PTK2: variants seen among roughly 807,000 people sequenced by gnomAD.
PTK2 encodes protein tyrosine kinase 2, also known as focal adhesion kinase 1.
A neutral mutation model predicts 150.1 loss-of-function variants in PTK2; 45 were observed. The observed-to-expected ratio is 0.30, with a 90% CI of 0.24 to 0.38. The LOEUF (loss-of-function observed/expected upper bound fraction) is 0.38, where lower values mean the gene tolerates loss of function less well. Among genes scored for constraint, PTK2 ranks in the 10% least tolerant of loss-of-function variants. The pLI is 1.00. For missense variants in PTK2, 919 were observed against 1,307.3 expected (o/e 0.70, Z 4.58); for synonymous variants, 432 against 449.2 (o/e 0.96, Z 0.48).
intron 14 of PTK2, 59 bp from the exon 17 acceptor site, chr8:140,764,349 C>A (rs761267822): frequency 7.7e-7 from 1 of 1,294,094 alleles, no homozygotes; most frequent in Non-Finnish European, 1.1e-6. Context: ...CCTGGTATTT[C>A]ATATAATTAA....
intron 17 of PTK2, chr8:140,747,420 A>ATTTTTCTTAG (rs2100059642): frequency 1.2e-5 from 1 of 85,250 alleles, no homozygotes; most frequent in Admixed American, 1.4e-4. Context: ...AGAAAGAAGG[A>ATTTTTCTTAG]AGGGGAGGAG....
intron 2 of PTK2, chr8:140,920,899 C>A (rs1185352645): frequency 8.5e-6 from 13 of 1,524,182 alleles, no homozygotes; most frequent in East Asian, 7.6e-5. Context: ...CTTGGCCTGC[C>A]AGTTCCAACA....
intron 24 of PTK2, among the ~76,000 whole-genome samples, chr8:140,703,827 TA>T (rs1253227344): frequency 6.6e-6 from 1 of 152,186 alleles, no homozygotes; most frequent in African/African-American, 2.4e-5. Flanking sequence ...ACAGAATCAG[TA>T]TTGGTTTCCA....
At chr8:140,703,204 A>C (rs1054819555) in intron 24 of PTK2, among the ~76,000 whole-genome samples, 4 of 151,868 alleles carry the variant, frequency 2.6e-5, no homozygotes, top group African/African-American at 9.7e-5. Context: ...CGGAGCTTGC[A>C]GTGAGCCGAG....
intron 1 of PTK2, among the ~76,000 whole-genome samples, chr8:140,940,342 G>A (rs1425510546): frequency 7.2e-5 from 11 of 152,142 alleles, no homozygotes; most frequent in African/African-American, 2.4e-5. Flanking sequence ...TGTGGATGGC[G>A]CCACTTGAGA....
chr8:140,934,835 A>C (rs1228441725), intron 1 of PTK2, among the ~76,000 whole-genome samples: 4 of 152,152 alleles, frequency 2.6e-5, no homozygotes, highest in Non-Finnish European at 5.9e-5. Context: ...TCACTTCTGA[A>C]AACAACTCTC....
At chr8:140,943,277 C>T (rs1440292732) in intron 1 of PTK2, among the ~76,000 whole-genome samples, 1 of 152,210 alleles carries the variant, frequency 6.6e-6, no homozygotes, top group African/African-American at 2.4e-5. Flanking sequence ...CAGGCAACCA[C>T]TGATTTTATT....
intron 2 of PTK2, among the ~76,000 whole-genome samples, chr8:140,924,360 C>T (rs2100168657): frequency 6.6e-6 from 1 of 152,164 alleles, no homozygotes; most frequent in Non-Finnish European, 1.5e-5. Context: ...CCTTCTAAAA[C>T]ACCTCATGAT....
intron 12 of PTK2, among the ~76,000 whole-genome samples, chr8:140,794,079 G>A (rs1208733327): frequency 6.6e-6 from 1 of 152,134 alleles, no homozygotes; most frequent in Non-Finnish European, 1.5e-5. Context: ...AGCCCTCCCT[G>A]GTTTAACCTC....
chr8:140,884,515 G>A (rs1362853472), intron 3 of PTK2, among the ~76,000 whole-genome samples: 1 of 152,078 alleles, frequency 6.6e-6, no homozygotes, highest in Non-Finnish European at 1.5e-5. Context: ...ACATTCACCT[G>A]CTCCTCTGTC....
At chr8:140,830,649 C>T in intron 7 of PTK2, 123 bp from the exon 8 acceptor site, 1 of 588,222 alleles carries the variant, frequency 1.7e-6, no homozygotes, top group Non-Finnish European at 2.9e-6. Context: ...AGGAAGGAAA[C>T]AAGTATAATA....
intron 23 of PTK2, among the ~76,000 whole-genome samples, chr8:140,717,204 G>C (rs1308609362): frequency 1.3e-5 from 2 of 152,236 alleles, no homozygotes; most frequent in Non-Finnish European, 2.9e-5. Context: ...GTCAGGTAGA[G>C]ACAGACTCAT....
intron 2 of PTK2, among the ~76,000 whole-genome samples, chr8:140,898,653 T>G (rs769714812): frequency 2.6e-5 from 4 of 151,974 alleles, no homozygotes; most frequent in Non-Finnish European, 5.9e-5. Context: ...ATGCAGCACA[T>G]ACAAAAAAGG....
At chr8:140,762,970 C>A (rs549051015) in intron 15 of PTK2, among the ~76,000 whole-genome samples, 2 of 152,228 alleles carry the variant, frequency 1.3e-5, no homozygotes, top group South Asian at 2.1e-4. Flanking sequence ...TTGGTAGAGA[C>A]AGGATCTTGT....
chr8:140,994,376 G>C (rs994075238), intron 1 of PTK2, among the ~76,000 whole-genome samples: 34 of 152,230 alleles, frequency 2.2e-4, no homozygotes, highest in Non-Finnish European at 1.5e-5. Context: ...CAGCAACCCT[G>C]CATCGAGCAA....
At chr8:140,899,338 T>C (rs1454092232) in intron 2 of PTK2, among the ~76,000 whole-genome samples, 1 of 152,182 alleles carries the variant, frequency 6.6e-6, no homozygotes, top group Admixed American at 6.5e-5. Flanking sequence ...TCAGCCACTA[T>C]ACTGATTACT....
chr8:140,810,577 G>A (rs2100100903), intron 10 of PTK2, among the ~76,000 whole-genome samples: 2 of 152,148 alleles, frequency 1.3e-5, no homozygotes, highest in Non-Finnish European at 2.9e-5. Context: ...TCCTCACACT[G>A]CAGGTTCCTC....
intron 28 of PTK2, 160 bp downstream of exon 31, chr8:140,675,300 T>C: frequency 1.3e-6 from 1 of 745,726 alleles, no homozygotes; most frequent in Non-Finnish European, 2.2e-6. Context: ...TTCCCAATAC[T>C]CTAGTAATGA....
chr8:140,993,519 A>G (rs1055576073), intron 1 of PTK2, among the ~76,000 whole-genome samples: 3 of 152,204 alleles, frequency 2.0e-5, no homozygotes, highest in African/African-American at 4.8e-5. Context: ...TCACAAGACA[A>G]CACACATTTT....
Sources: allele counts gnomAD v4.1 joint callset (sites outside exome capture counted in the v4.1 genomes callset), GRCh38; gene constraint gnomAD v4.1.1; transcripts MANE v1.5; gene names NCBI Gene and HGNC (gene_info 2026-07-23, HGNC 2026-07-21).